XIST: variants seen among roughly 807,000 people sequenced by gnomAD.
The protein encoded by XIST is X inactive specific transcript, also known as X inactive specific transcript (non-protein coding).
chrX:73,822,636 A>C (rs1363076776), exon 6 of XIST: 8 of 519,977 alleles, frequency 1.5e-5, no homozygotes, highest in South Asian at 7.4e-5. Context: ...AAAATGGTTG[A>C]GATAACAGTC....
chrX:73,827,581 G>A (rs1314231956), exon 6 of XIST: 1 of 544,829 alleles, frequency 1.8e-6, no homozygotes, highest in Non-Finnish European at 3.3e-6. Flanking sequence ...ACAGCAGAAA[G>A]GAGGCCAGAC....
chrX:73,828,069 C>G, intron 5 of XIST: 1 of 439,783 alleles, frequency 2.3e-6, no homozygotes, highest in Non-Finnish European at 3.9e-6. Flanking sequence ...GCACAAGAGG[C>G]ATGAAAAGCA....
At chrX:73,846,955 G>A (rs751553168) in exon 1 of XIST, 21 of 557,686 alleles carry the variant, frequency 3.8e-5, no homozygotes, top group Admixed American at 1.8e-4. Flanking sequence ...TCTACAGTTC[G>A]AAGAGAAGGG....
exon 6 of XIST, chrX:73,821,520 G>A (rs760920231): frequency 1.8e-6 from 1 of 558,193 alleles, no homozygotes; most frequent in South Asian, 2.2e-5. Flanking sequence ...AAGCAAACTA[G>A]TGAGGACAAA....
chrX:73,847,219 T>C, exon 1 of XIST: 3 of 558,164 alleles, frequency 5.4e-6, no homozygotes, highest in Non-Finnish European at 9.7e-6. Context: ...TCAGGCTAGT[T>C]AGAAGCTCCT....
At chrX:73,848,562 T>C (rs1368723197) in exon 1 of XIST, 1 of 556,092 alleles carries the variant, frequency 1.8e-6, no homozygotes, top group African/African-American at 2.2e-5. Context: ...CATTGTAGCG[T>C]GCAAATAGGA....
exon 6 of XIST, chrX:73,825,409 C>G: frequency 3.6e-6 from 2 of 555,661 alleles, no homozygotes; most frequent in Middle Eastern, 3.1e-4. Context: ...CAGTAGAATA[C>G]AAGTGCTTTA....
chrX:73,838,967 G>A (rs974743524), intron 1 of XIST, among the ~76,000 whole-genome samples: 1 of 111,700 alleles, frequency 9.0e-6, no homozygotes, highest in Non-Finnish European at 1.9e-5. Context: ...AGGTTTGGGG[G>A]AAGAGAAGAG....
chrX:73,841,725 C>A, exon 1 of XIST: 2 of 513,286 alleles, frequency 3.9e-6, no homozygotes, highest in East Asian at 3.6e-5. Flanking sequence ...TAAGTCCTCA[C>A]CTCAGTGTGG....
chrX:73,852,612 G>A lies in XIST; in HGVS notation n.112C>T, dbSNP rs750543634. ...TTAGGTGATTTTTTTAAAGAAATAC[G>A]CCATAAAGGGTGTTGGGGGACTAGA... is the stretch of plus-strand genomic sequence containing the variant. On this transcript the variant is annotated non_coding_transcript_exon_variant, in exon 1 of 6. Transcript: ENST00000429829. 5.3e-5 allele frequency: 26 copies of A among 488,730 alleles called. No individual in the cohort carries two copies. The Middle Eastern group carries it at 1.6e-3, about 31-fold the overall frequency. 40.3% of individuals were successfully genotyped at this position (488,730 alleles called of 1,213,427 possible).
intron 1 of XIST, among the ~76,000 whole-genome samples, chrX:73,838,617 TGGAAAGGTCAA>T (rs915133110): frequency 1.8e-5 from 2 of 111,325 alleles, no homozygotes; most frequent in Non-Finnish European, 3.8e-5. Context: ...GTACTCAATT[TGGAAAGGTCAA>T]GGAAGAGCTA....
chrX:73,834,108 T>A (rs1251519018), intron 2 of XIST, among the ~76,000 whole-genome samples: 1 of 112,370 alleles, frequency 8.9e-6, no homozygotes, highest in African/African-American at 3.2e-5. Context: ...TAAGATTAGA[T>A]ACTTGACTTC....
exon 1 of XIST, chrX:73,849,084 T>C (rs1569512780): frequency 1.8e-6 from 1 of 559,269 alleles, no homozygotes. Flanking sequence ...TACTCAATAA[T>C]TTAAGAAACT....
At chrX:73,830,585 C>T (rs1922361591) in intron 4 of XIST, among the ~76,000 whole-genome samples, 1 of 111,791 alleles carries the variant, frequency 8.9e-6, no homozygotes, top group African/African-American at 3.3e-5. Flanking sequence ...ATTTATGCGG[C>T]TTCCATCAAT....
exon 6 of XIST, chrX:73,823,218 T>G (rs1569511484): frequency 1.9e-6 from 1 of 538,365 alleles, no homozygotes; most frequent in East Asian, 3.3e-5. Context: ...GTCTCCTGGC[T>G]TTAAACTAAG....
At chrX:73,851,071 A>G in exon 1 of XIST, 1 of 559,276 alleles carries the variant, frequency 1.8e-6, no homozygotes, top group Non-Finnish European at 3.2e-6. Flanking sequence ...GTGTGTCATC[A>G]GTCTAATTCC....
chrX:73,847,488 G>C (rs370401226), exon 1 of XIST: 1 of 513,218 alleles, frequency 1.9e-6, no homozygotes, highest in South Asian at 2.5e-5. Context: ...CCAAAGTGCT[G>C]GGATTACAGG....
At chrX:73,841,767 T>C in exon 1 of XIST, 1 of 499,890 alleles carries the variant, frequency 2.0e-6, no homozygotes, top group South Asian at 2.7e-5. Flanking sequence ...ATTACTATAA[T>C]TAAATGCTTC....
At chrX:73,842,840 A>G in exon 1 of XIST, 1 of 558,443 alleles carries the variant, frequency 1.8e-6, no homozygotes, top group South Asian at 2.2e-5. Flanking sequence ...AGACAGCACA[A>G]TCTTACCTAA....
Sources: allele counts gnomAD v4.1 joint callset (sites outside exome capture counted in the v4.1 genomes callset), GRCh38; gene constraint gnomAD v4.1.1; transcripts MANE v1.5; gene names NCBI Gene and HGNC (gene_info 2026-07-23, HGNC 2026-07-21).